The following TCHP variants were observed in gnomAD, a reference collection of about 807,000 sequenced individuals.
TCHP encodes trichoplein keratin filament binding, also known as trichoplein keratin filament-binding protein.
Under a neutral mutation model 88.7 loss-of-function variants are expected in TCHP, and 81 were observed. That is an observed-to-expected ratio of 0.91 (90% CI 0.76 to 1.10). The LOEUF (loss-of-function observed/expected upper bound fraction) is 1.10, where lower values mean the gene tolerates loss of function less well. Among genes scored for constraint, TCHP ranks in the 50% least tolerant of loss-of-function variants. The pLI is 0.00. For synonymous variants in TCHP, 232 were observed against 232.5 expected, an observed-to-expected ratio of 1.00 and a Z score of 0.02; for missense variants, 641 against 632.1, an observed-to-expected ratio of 1.01 and a Z score of -0.15.
At chr12:109,915,615 G>A (rs921639140) in intron 12 of TCHP, 69 bp downstream of exon 12, 3 of 1,512,058 alleles carry the variant, frequency 2.0e-6, no homozygotes, top group Non-Finnish European at 8.9e-7. Flanking sequence ...GCTCCCCTGG[G>A]CCTGCTCATC....
the TCHP span, among the ~76,000 whole-genome samples, chr12:109,893,797 A>T: frequency 6.6e-6 from 1 of 152,218 alleles, no homozygotes; most frequent in African/African-American, 2.4e-5. Context: ...GAGAGCAGCG[A>T]GCAGGGTTTG....
the TCHP span, among the ~76,000 whole-genome samples, chr12:109,891,766 G>A: frequency 2.0e-5 from 3 of 151,300 alleles, no homozygotes; most frequent in Admixed American, 6.6e-5. Flanking sequence ...GTGCACTGGC[G>A]AGATCTTGGC....
At chr12:109,889,531 G>A in the TCHP span, among the ~76,000 whole-genome samples, 1 of 152,052 alleles carries the variant, frequency 6.6e-6, no homozygotes. Context: ...GTGGCTCTAG[G>A]CATTCCTGTC....
intron 9 of TCHP, among the ~76,000 whole-genome samples, chr12:109,912,519 G>A (rs910926123): frequency 1.3e-5 from 2 of 152,152 alleles, no homozygotes; most frequent in Admixed American, 6.6e-5. Context: ...GGCCAGGCAC[G>A]GTGGCTCACG....
At chr12:109,882,825 T>C in the TCHP span, among the ~76,000 whole-genome samples, 2 of 150,652 alleles carry the variant, frequency 1.3e-5, no homozygotes, top group Admixed American at 6.6e-5. Flanking sequence ...CCTGGCTAAT[T>C]TTTTTGTATT....
At chr12:109,907,496 A>G in intron 5 of TCHP, 30 bp from the exon 6 acceptor site, 3 of 1,599,460 alleles carry the variant, frequency 1.9e-6, no homozygotes, top group East Asian at 2.2e-5. Flanking sequence ...CGGTACAGAT[A>G]TTGACCTGTG....
chr12:109,914,296 T>A, intron 10 of TCHP, 146 bp from the exon 11 acceptor site: 1 of 656,148 alleles, frequency 1.5e-6, no homozygotes, highest in South Asian at 2.0e-5. Flanking sequence ...GCAAATCCTG[T>A]CATCTGGCTC....
At chr12:109,914,388 C>T in intron 10 of TCHP, 54 bp from the exon 11 acceptor site, 1 of 1,522,102 alleles carries the variant, frequency 6.6e-7, no homozygotes, top group Admixed American at 1.9e-5. Context: ...CTTGTAGAAC[C>T]AGGATCTGTT....
chr12:109,908,611 A>G lies in TCHP; in HGVS notation c.725A>G (p.Glu242Gly). The part of the protein sequence containing the change: ...VEATKLKKEQ[E>G]NLLKQRWELE... Reference sequence around the variant, plus strand: ...GCGACCAAACTAAAGAAGGAGCAGGAGAATCTGTTGAAGCAGCGGTGGGAG... The same window carrying G: ...GCGACCAAACTAAAGAAGGAGCAGGGGAATCTGTTGAAGCAGCGGTGGGAG... The change falls in exon 7 of 13, where the codon GAG becomes GGG. Residue 242 changes from glutamate (E) to glycine (G), a missense_variant. Transcript: ENST00000405876. 3 of 1,602,098 alleles carry G rather than the reference A, an allele frequency of 1.9e-6. No individual in the cohort carries two copies. The highest frequency in any genetic ancestry group is 2.6e-6 in the Non-Finnish European group (3 of 1,175,682).
In TCHP at chr12:109,905,038, G is replaced by A. The variant is rs1870050759; in HGVS notation, c.456+245G>A. ...AGGTGCGGGCATGGAGATTAGACAT[G>A]GTTTCTGCTCATTAGCTTGTGTCCA... On this transcript the variant is annotated intron_variant, in intron 4 of 12. Transcript: ENST00000405876. This position sits in a 1 kb window ranked among gnomAD's most constrained non-coding sequence, Gnocchi z 4.0. 3 of 513,338 alleles carry A rather than the reference G, an allele frequency of 5.8e-6. No homozygotes were observed. Among genetic ancestry groups the A allele is most frequent in the Admixed American group, 3.6e-5 (1 of 27,578 alleles). The allele number at this position is 513,338 out of a possible 1,614,324, so 31.8% of individuals were successfully genotyped here.
chr12:109,886,806 T>C, the TCHP span, among the ~76,000 whole-genome samples: 1 of 152,100 alleles, frequency 6.6e-6, no homozygotes, highest in Non-Finnish European at 1.5e-5. Context: ...CCTCCCGGGT[T>C]CAAGCAATTT....
chr12:109,910,915 C>A, intron 8 of TCHP, 148 bp from the exon 9 acceptor site: 1 of 1,242,300 alleles, frequency 8.0e-7, no homozygotes, highest in Non-Finnish European at 1.0e-6. Flanking sequence ...AGAAATAATC[C>A]AGGATCTTCC....
At chr12:109,902,463 G>C (rs1402021450) in intron 1 of TCHP, among the ~76,000 whole-genome samples, 1 of 151,970 alleles carries the variant, frequency 6.6e-6, no homozygotes, top group East Asian at 1.9e-4. Flanking sequence ...GTCTGGCTAA[G>C]GTTTATTTGT....
chr12:109,881,734 A>G, the TCHP span, among the ~76,000 whole-genome samples: 4 of 152,164 alleles, frequency 2.6e-5, no homozygotes, highest in Non-Finnish European at 4.4e-5. Flanking sequence ...TCCCAAACCT[A>G]ATGTCTCTCC....
the TCHP span, among the ~76,000 whole-genome samples, chr12:109,893,234 C>T: frequency 6.6e-6 from 1 of 152,082 alleles, no homozygotes; most frequent in South Asian, 2.1e-4. Context: ...ACAAAATTAA[C>T]TGGGTGTGGT....
At chr12:109,915,839 C>T (rs1015570444) in intron 12 of TCHP, among the ~76,000 whole-genome samples, 1 of 152,122 alleles carries the variant, frequency 6.6e-6, no homozygotes, top group Non-Finnish European at 1.5e-5. Flanking sequence ...GAGCTGTGGC[C>T]ACAGCTGCTG....
the TCHP span, among the ~76,000 whole-genome samples, chr12:109,894,469 A>G: frequency 7.1e-6 from 1 of 140,904 alleles, no homozygotes; most frequent in African/African-American, 3.0e-5. Context: ...TCTCAAAAAA[A>G]AAAAAGAAAA....
chr12:109,884,857 C>T, the TCHP span, among the ~76,000 whole-genome samples: 4 of 152,266 alleles, frequency 2.6e-5, no homozygotes, highest in Non-Finnish European at 5.9e-5. Context: ...GGACGCTCTC[C>T]TGCAGAATCA....
At chr12:109,909,594 C>T (rs1004563104) in intron 8 of TCHP, among the ~76,000 whole-genome samples, 6 of 152,182 alleles carry the variant, frequency 3.9e-5, no homozygotes, top group African/African-American at 9.7e-5. Flanking sequence ...CCAAGGCAGG[C>T]GGATCACCTG....
Sources: allele counts gnomAD v4.1 joint callset (sites outside exome capture counted in the v4.1 genomes callset), GRCh38; gene constraint gnomAD v4.1.1; non-coding constraint Gnocchi (gnomAD v3.1); transcripts MANE v1.5; gene names NCBI Gene and HGNC (gene_info 2026-07-23, HGNC 2026-07-21).